The following ZZZ3 variants were observed in gnomAD, a reference collection of about 807,000 sequenced individuals.
ZZZ3 encodes the protein zinc finger ZZ-type containing 3.
A neutral mutation model predicts 95.2 loss-of-function variants in ZZZ3; 22 were observed. That is an observed-to-expected ratio of 0.23 (90% CI 0.17 to 0.33). ZZZ3 has a LOEUF of 0.33. ZZZ3 is among the 10% of genes least tolerant of loss of function. The pLI, the probability that ZZZ3 is intolerant of heterozygous loss-of-function variation, is 1.00. For missense variants in ZZZ3, 885 were observed against 1,066.5 expected (o/e 0.83, Z 2.37); for synonymous variants, 335 against 358.9 (o/e 0.93, Z 0.75).
intron 5 of ZZZ3, among the ~76,000 whole-genome samples, chr1:77,593,064 G>C (rs553394141): frequency 2.6e-5 from 4 of 152,312 alleles, no homozygotes; most frequent in African/African-American, 9.6e-5. Flanking sequence ...GAAGATCAGA[G>C]TTGGAGTCTA....
rs539326589 is a variant in ZZZ3, at chr1:77,679,119, T to C, written c.-403+3466A>G. On this transcript the variant is annotated intron_variant, in intron 1 of 14. Coordinates refer to ENST00000370801, the MANE Select transcript of ZZZ3 (RefSeq NM_015534.6). ...ACAAAATAATCAAGACTTTGGACTT[T>C]GGGAAATATTTACTGAGAGTGGTTT... Among the ~76,000 whole-genome samples the C allele has an allele frequency of 2.6e-4, 39 of 152,252 alleles. No individual in the cohort carries two copies. The Middle Eastern group carries it at 0.01, about 40-fold the overall frequency.
intron 5 of ZZZ3, among the ~76,000 whole-genome samples, chr1:77,627,436 T>A (rs1409837988): frequency 1.3e-5 from 2 of 152,176 alleles, no homozygotes; most frequent in African/African-American, 4.8e-5. Context: ...TGAAAGAAAT[T>A]ACTTTGACCA....
At chr1:77,667,132 T>C (rs1671312926) in intron 1 of ZZZ3, among the ~76,000 whole-genome samples, 2 of 152,220 alleles carry the variant, frequency 1.3e-5, no homozygotes, top group Admixed American at 6.5e-5. Flanking sequence ...TAAGAAAATA[T>C]ATAAGTTGAA....
chr1:77,598,338 GTCTTCA>G (rs1664409881), intron 5 of ZZZ3, among the ~76,000 whole-genome samples: 1 of 152,092 alleles, frequency 6.6e-6, no homozygotes, highest in Non-Finnish European at 1.5e-5. Context: ...CATCCTAAAG[GTCTTCA>G]TCTTCATTAT....
chr1:77,562,791 T>C lies in ZZZ3; in HGVS notation c.*2849A>G, dbSNP rs1660523213. On this transcript the variant is annotated 3_prime_UTR_variant, in exon 15 of 15. Transcript: ENST00000370801. ...CAGGAAAACAGAATGTAAGGCAACA[T>C]CTGCACACCTCCACTCCTAACACCT... is the stretch of plus-strand genomic sequence containing the variant. 6.6e-6 allele frequency: 1 copy of C among 152,288 alleles called. No individual in the cohort carries two copies. The highest frequency in any genetic ancestry group is 2.1e-4 in the South Asian group (1 of 4,812). The allele number at this position is 152,288 out of a possible 1,614,324, so 9.4% of individuals were successfully genotyped here.
chr1:77,638,760 C>T (rs1341481575), intron 4 of ZZZ3, among the ~76,000 whole-genome samples: 1 of 152,134 alleles, frequency 6.6e-6, no homozygotes, highest in Non-Finnish European at 1.5e-5. Context: ...AGAGCAAATG[C>T]AACTGGAAAG....
intron 5 of ZZZ3, among the ~76,000 whole-genome samples, chr1:77,594,658 A>G (rs1277170049): frequency 1.3e-5 from 2 of 152,022 alleles, no homozygotes; most frequent in Non-Finnish European, 2.9e-5. Context: ...AAGTATGCTA[A>G]AGGAACATAC....
chr1:77,658,256 A>G (rs982352444), intron 1 of ZZZ3, among the ~76,000 whole-genome samples: 2 of 151,948 alleles, frequency 1.3e-5, no homozygotes, highest in Non-Finnish European at 2.9e-5. Context: ...AATTTTAAAA[A>G]TCAGAATTCA....
chr1:77,599,339 C>A (rs1664516349), intron 5 of ZZZ3, among the ~76,000 whole-genome samples: 1 of 151,538 alleles, frequency 6.6e-6, no homozygotes, highest in Non-Finnish European at 1.5e-5. Context: ...ACACTCATTC[C>A]ACAAATATTT....
At chr1:77,620,511 AAGG>A (rs1666754591) in intron 5 of ZZZ3, among the ~76,000 whole-genome samples, 1 of 151,250 alleles carries the variant, frequency 6.6e-6, no homozygotes, top group Non-Finnish European at 1.5e-5. Flanking sequence ...GGAAGGAAGG[AAGG>A]AAGGAAGGAA....
Position 77,578,786 on chromosome 1 carries a change from T to C in ZZZ3, c.2166A>G (p.Ile722Met), listed in dbSNP as rs373917921. Residue 722 changes from isoleucine (I) to methionine (M), a missense_variant, in exon 11 of 15, where the codon ATA (isoleucine) becomes ATG (methionine). Transcript: ENST00000370801. Reference sequence around the variant, plus strand: ...TATTTTCTTTTACCTTTTTGGAGTATATATATAAGTTTGGTGTTCTGCCTG... The same window carrying C: ...TATTTTCTTTTACCTTTTTGGAGTACATATATAAGTTTGGTGTTCTGCCTG... Reference protein sequence around the residue: ...PVPGRTPNLYIYSKKSSTSRR... With the variant: ...PVPGRTPNLYMYSKKSSTSRR... 1 of 1,541,470 alleles carries C rather than the reference T, an allele frequency of 6.5e-7. No individual in the cohort carries two copies. The highest frequency in any genetic ancestry group is 8.7e-7 in the Non-Finnish European group (1 of 1,149,170).
chr1:77,681,091 T>C (rs571668692), intron 1 of ZZZ3, among the ~76,000 whole-genome samples: 5 of 152,340 alleles, frequency 3.3e-5, no homozygotes, highest in African/African-American at 7.2e-5. Context: ...AAATGTTTAC[T>C]GATTGCCAAT....
intron 1 of ZZZ3, among the ~76,000 whole-genome samples, chr1:77,679,439 G>A (rs1672550313): frequency 6.6e-6 from 1 of 152,044 alleles, no homozygotes; most frequent in South Asian, 2.1e-4. Flanking sequence ...CCAAGTAGCT[G>A]GTACTACAGG....
chr1:77,620,765 T>G, intron 5 of ZZZ3, among the ~76,000 whole-genome samples: 1 of 152,146 alleles, frequency 6.6e-6, no homozygotes, highest in Non-Finnish European at 1.5e-5. Context: ...GGTCTGATAC[T>G]CAAGAATAAT....
intron 1 of ZZZ3, among the ~76,000 whole-genome samples, chr1:77,660,711 T>C (rs933533033): frequency 5.9e-5 from 9 of 152,194 alleles, no homozygotes; most frequent in African/African-American, 2.2e-4. Context: ...CCTTCAATCC[T>C]TTCAGGAATA....
At chr1:77,657,025 G>A (rs1232134086) in intron 1 of ZZZ3, among the ~76,000 whole-genome samples, 2 of 152,138 alleles carry the variant, frequency 1.3e-5, no homozygotes, top group Admixed American at 6.6e-5. Flanking sequence ...TTGTCGTCCA[G>A]GCTGGAGTGC....
At chr1:77,665,596 T>A (rs1671176642) in intron 1 of ZZZ3, among the ~76,000 whole-genome samples, 1 of 152,240 alleles carries the variant, frequency 6.6e-6, no homozygotes, top group Non-Finnish European at 1.5e-5. Flanking sequence ...ATTTTAAGTT[T>A]AAAAGTGTAT....
chr1:77,581,454 A>G (rs1662514842), intron 8 of ZZZ3, among the ~76,000 whole-genome samples: 1 of 152,202 alleles, frequency 6.6e-6, no homozygotes, highest in East Asian at 1.9e-4. Flanking sequence ...TTTAGAGTAA[A>G]TACTATGTGT....
intron 1 of ZZZ3, among the ~76,000 whole-genome samples, chr1:77,681,611 G>A (rs1425589862): frequency 6.6e-6 from 1 of 152,180 alleles, no homozygotes; most frequent in Non-Finnish European, 1.5e-5. Context: ...GCCGGGCGCG[G>A]TGGCTCACGC....
Sources: allele counts gnomAD v4.1 joint callset (sites outside exome capture counted in the v4.1 genomes callset), GRCh38; gene constraint gnomAD v4.1.1; transcripts MANE v1.5; gene names NCBI Gene and HGNC (gene_info 2026-07-23, HGNC 2026-07-21).